Variants in MSI2 observed in about 807,000 individuals in gnomAD.
MSI2 encodes the protein RNA-binding protein Musashi homolog 2.
A neutral mutation model predicts 45.6 loss-of-function variants in MSI2; 17 were observed. The ratio of observed to expected loss-of-function variants is 0.37; its 90% confidence interval spans 0.26 to 0.56. The LOEUF (loss-of-function observed/expected upper bound fraction) is 0.56. Ranked by LOEUF, MSI2 falls within the 20% of genes least tolerant of loss-of-function variation. The pLI is 0.77. For missense variants in MSI2, 293 were observed against 444.2 expected, an observed-to-expected ratio of 0.66 and a Z score of 3.06; for synonymous variants, 156 against 158.2, an observed-to-expected ratio of 0.99 and a Z score of 0.11.
chr17:57,555,225 G>T (rs550663692), intron 7 of MSI2, among the ~76,000 whole-genome samples: 3 of 152,078 alleles, frequency 2.0e-5, no homozygotes, highest in Non-Finnish European at 4.4e-5. Context: ...GCTCTGGGTC[G>T]CCCTGTCCTC....
At chr17:57,374,115 G>T (rs1295542543) in intron 5 of MSI2, among the ~76,000 whole-genome samples, 1 of 152,280 alleles carries the variant, frequency 6.6e-6, no homozygotes, top group Admixed American at 6.5e-5. Context: ...CAAAAAAGCA[G>T]CCAGACAACT....
chr17:57,367,739 C>T (rs1025783579), intron 5 of MSI2, among the ~76,000 whole-genome samples: 1 of 152,196 alleles, frequency 6.6e-6, no homozygotes, highest in African/African-American at 2.4e-5. Flanking sequence ...GAGTGCTCAT[C>T]CCCCGAGTTG....
intron 7 of MSI2, among the ~76,000 whole-genome samples, chr17:57,530,586 A>T (rs1024821): frequency 0.52 from 78,814 of 151,962 alleles, 20,908 homozygotes; most frequent in East Asian, 0.76. Flanking sequence ...TAATGAGCAG[A>T]GCTTCCTAAG....
chr17:57,270,375 T>G (rs1452001245), intron 5 of MSI2, among the ~76,000 whole-genome samples: 1 of 152,238 alleles, frequency 6.6e-6, no homozygotes, highest in Non-Finnish European at 1.5e-5. Flanking sequence ...AAAGTCTCTC[T>G]GAATCCCAAG....
intron 7 of MSI2, among the ~76,000 whole-genome samples, chr17:57,535,099 G>GA (rs1195135866): frequency 6.6e-6 from 1 of 152,248 alleles, no homozygotes; most frequent in Non-Finnish European, 1.5e-5. Context: ...CAGCCAGCGG[G>GA]AGGGAGGAAG....
At chr17:57,689,621 G>A (rs1913944265), downstream of MSI2, among the ~76,000 whole-genome samples, 1 of 152,152 alleles carries the variant, frequency 6.6e-6, no homozygotes, top group Non-Finnish European at 1.5e-5. Flanking sequence ...CTATACACCT[G>A]TTTAACTCCC....
At chr17:57,585,916 C>T (rs775292936) in intron 7 of MSI2, among the ~76,000 whole-genome samples, 1 of 152,260 alleles carries the variant, frequency 6.6e-6, no homozygotes, top group Non-Finnish European at 1.5e-5. Flanking sequence ...TCCTCTGCCC[C>T]GCTGGGCGCG....
chr17:57,461,716 G>A (rs752785842), intron 6 of MSI2, among the ~76,000 whole-genome samples: 2 of 151,992 alleles, frequency 1.3e-5, no homozygotes, highest in African/African-American at 2.4e-5. Flanking sequence ...TGTATTTTTA[G>A]TAGAGACAGG....
At chr17:57,464,383 G>T (rs1387464900) in intron 6 of MSI2, among the ~76,000 whole-genome samples, 1 of 152,210 alleles carries the variant, frequency 6.6e-6, no homozygotes, top group Non-Finnish European at 1.5e-5. Context: ...GGTCAAGGCT[G>T]CAGTGAGCCA....
intron 11 of MSI2, among the ~76,000 whole-genome samples, chr17:57,669,455 T>TGAG (rs1252546031): frequency 6.6e-6 from 1 of 152,182 alleles, no homozygotes; most frequent in Non-Finnish European, 1.5e-5. Flanking sequence ...CTGAGAGCCC[T>TGAG]GAGAGTTCCC....
At chr17:57,630,858 A>T (rs1909300479) in intron 10 of MSI2, 1 of 152,312 alleles carries the variant, frequency 6.6e-6, no homozygotes, top group African/African-American at 2.4e-5. Context: ...CTGTCACCTC[A>T]TGCCAATAAG....
intron 5 of MSI2, among the ~76,000 whole-genome samples, chr17:57,286,608 C>G (rs532027579): frequency 1.3e-5 from 2 of 152,088 alleles, no homozygotes; most frequent in African/African-American, 4.8e-5. Flanking sequence ...TCATTGGTAT[C>G]CGGGCTCCAT....
At chr17:57,331,300 T>C (rs1038216166) in intron 5 of MSI2, among the ~76,000 whole-genome samples, 11 of 152,198 alleles carry the variant, frequency 7.2e-5, no homozygotes, top group Non-Finnish European at 1.5e-4. Context: ...GTCTTCTGTG[T>C]TTCCACGTGG....
intron 6 of MSI2, among the ~76,000 whole-genome samples, chr17:57,421,683 A>G (rs2084399519): frequency 6.6e-6 from 1 of 152,166 alleles, no homozygotes; most frequent in Admixed American, 6.5e-5. Flanking sequence ...CAGAAGTTTG[A>G]GACCAGTGTG....
intron 6 of MSI2, among the ~76,000 whole-genome samples, chr17:57,450,664 G>A (rs2084999936): frequency 1.1e-5 from 1 of 87,306 alleles, no homozygotes; most frequent in Non-Finnish European, 1.9e-5. Context: ...GAGCAAGACT[G>A]CATCTCAAAA....
rs1861472 is a variant in MSI2 at position 57,528,106 on chromosome 17, T to G, written c.406-1570T>G. 2.6e-5 allele frequency among the ~76,000 whole-genome samples: 4 copies of G among 150,956 alleles called. No individual in the cohort carries two copies. In the East Asian group the frequency reaches 5.9e-4, roughly 22 times the overall value. On this transcript the variant is annotated intron_variant, in intron 6 of 13. Transcript: ENST00000284073. ...CCCCCGCTAACAGTTTTACCCCCCC[T>G]ACAGCCACACGGACTGGGTTGTATT...
intron 6 of MSI2, among the ~76,000 whole-genome samples, chr17:57,460,936 A>T (rs1280699375): frequency 6.6e-6 from 1 of 152,092 alleles, no homozygotes; most frequent in East Asian, 1.9e-4. Flanking sequence ...TGTCTTCCAT[A>T]CTGTGCTCAC....
chr17:57,700,452 G>T, the MSI2 span, among the ~76,000 whole-genome samples: 1 of 152,198 alleles, frequency 6.6e-6, no homozygotes. Context: ...GCTCATCAAA[G>T]AATTAGGTGA....
intron 6 of MSI2, among the ~76,000 whole-genome samples, chr17:57,506,304 T>C (rs1278601300): frequency 3.3e-5 from 5 of 152,188 alleles, no homozygotes; most frequent in Admixed American, 1.3e-4. Flanking sequence ...TGATAAACAG[T>C]GTAAGGCGGA....
Sources: allele counts gnomAD v4.1 joint callset (sites outside exome capture counted in the v4.1 genomes callset), GRCh38; gene constraint gnomAD v4.1.1; transcripts MANE v1.5; gene names NCBI Gene and HGNC (gene_info 2026-07-23, HGNC 2026-07-21).